The following LAMA1 variants were observed in gnomAD, a reference collection of about 807,000 sequenced individuals.
LAMA1 encodes the protein laminin subunit alpha-1.
LAMA1 carries 219 observed loss-of-function variants against 348.7 expected under a neutral mutation model. The observed-to-expected ratio is 0.63, with a 90% CI of 0.56 to 0.70. The LOEUF is 0.70. Among genes scored for constraint, LAMA1 ranks in the 30% least tolerant of loss-of-function variants. The pLI is 0.00. For missense variants in LAMA1, 3,744 were observed against 3,888.0 expected (o/e 0.96, Z 0.99); for synonymous variants, 1,487 against 1,491.0 (o/e 1.00, Z 0.06).
Position 6,966,254 on chromosome 18 carries a change from A to T in LAMA1, c.6943T>A (p.Tyr2315Asn). The T allele has an allele frequency of 6.2e-7, 1 of 1,613,978 alleles. No individual in the cohort carries two copies. Among genetic ancestry groups the T allele is most frequent in the South Asian group, 1.1e-5 (1 of 90,982 alleles). Residue 2315 changes from tyrosine to asparagine, a missense_variant, in exon 49 of 63, where the codon TAC becomes AAC. Transcript: ENST00000389658. ...GGAAGTGACTTCTCCACGACAGAGT[A>T]CCCACTCCCGTCAAAATGGAAGGAA... ...DPSFHFDGSG[Y>N]SVVEKSLPAT...
intron 1 of LAMA1, among the ~76,000 whole-genome samples, chr18:7,101,575 A>G (rs539066674): frequency 1.6e-4 from 25 of 152,332 alleles, no homozygotes; most frequent in African/African-American, 6.0e-4. Context: ...GTGATTATCT[A>G]TGTGGTCAGA....
In LAMA1 at chr18:7,024,486, G is replaced by T; in HGVS notation, c.2403-20C>A. Reference sequence around the variant, plus strand: ...CTGAAACTGTCAAAACATTAGAAATGAACAAAATTTTCCAATGGATGAAGC... The same window carrying T: ...CTGAAACTGTCAAAACATTAGAAATTAACAAAATTTTCCAATGGATGAAGC... On this transcript the variant is annotated intron_variant, in intron 17 of 62. Transcript: ENST00000389658. 6.2e-7 allele frequency: 1 copy of T among 1,601,398 alleles called. No homozygotes were observed. The highest frequency in any genetic ancestry group is 1.1e-5 in the South Asian group (1 of 90,356).
chr18:6,961,328 T>G (rs2057606033), intron 53 of LAMA1, among the ~76,000 whole-genome samples: 1 of 152,178 alleles, frequency 6.6e-6, no homozygotes, highest in Non-Finnish European at 1.5e-5. Flanking sequence ...TGAATGAGTT[T>G]TTAAAAAATT....
intron 1 of LAMA1, among the ~76,000 whole-genome samples, chr18:7,111,302 C>T (rs372123259): frequency 6.4e-4 from 97 of 152,298 alleles, no homozygotes; most frequent in African/African-American, 2.2e-3. Context: ...ATTAACACTT[C>T]GAGATAAATG....
intron 37 of LAMA1, 130 bp downstream of exon 37, chr18:6,986,007 C>T (rs1207420631): frequency 2.1e-6 from 2 of 959,830 alleles, no homozygotes; most frequent in African/African-American, 3.2e-5. Flanking sequence ...ATCTGCCTGC[C>T]TCGGCCTCCC....
chr18:6,970,110 A>G (rs2057651515), intron 48 of LAMA1, among the ~76,000 whole-genome samples: 1 of 152,164 alleles, frequency 6.6e-6, no homozygotes, highest in African/African-American at 2.4e-5. Context: ...TTGCTGGAAG[A>G]GTTCCTTGCT....
At chr18:6,988,657 A>G (rs2057745658) in intron 36 of LAMA1, among the ~76,000 whole-genome samples, 1 of 151,998 alleles carries the variant, frequency 6.6e-6, no homozygotes, top group African/African-American at 2.4e-5. Context: ...AATTACAAAA[A>G]TTAGCCGGGC....
At chr18:7,103,155 C>T (rs2058297960) in intron 1 of LAMA1, among the ~76,000 whole-genome samples, 2 of 152,180 alleles carry the variant, frequency 1.3e-5, no homozygotes, top group South Asian at 2.1e-4. Context: ...CGGTGGCTCA[C>T]GCCTGTAATC....
chr18:7,040,312 G>A (rs375494782), intron 9 of LAMA1, 76 bp from the exon 10 acceptor site: 10 of 1,472,118 alleles, frequency 6.8e-6, no homozygotes, highest in African/African-American at 5.5e-5. Flanking sequence ...AATGTTTTCT[G>A]TAAAGGGTCA....
intron 8 of LAMA1, 130 bp downstream of exon 8, chr18:7,043,097 A>G (rs979509850): frequency 4.7e-6 from 4 of 844,448 alleles, no homozygotes; most frequent in Admixed American, 2.0e-5. Flanking sequence ...ATATAAAAAC[A>G]CTACTGGCAT....
chr18:7,093,843 C>T (rs1568065240), intron 1 of LAMA1, among the ~76,000 whole-genome samples: 1 of 147,282 alleles, frequency 6.8e-6, no homozygotes, highest in East Asian at 2.0e-4. Context: ...GTCACGATAT[C>T]GGCTCCCCGC....
chr18:7,000,243 A>G (rs2057801663), intron 30 of LAMA1, among the ~76,000 whole-genome samples: 1 of 152,264 alleles, frequency 6.6e-6, no homozygotes, highest in South Asian at 2.1e-4. Context: ...TGTGAATGTT[A>G]AGTGGAAGAA....
chr18:6,975,754 C>T (rs967994214), intron 45 of LAMA1, among the ~76,000 whole-genome samples, 183 bp downstream of exon 45: 11 of 152,208 alleles, frequency 7.2e-5, no homozygotes, highest in African/African-American at 2.7e-4. Flanking sequence ...TTCTCACAGG[C>T]ATTCCATTTG....
At position 7,032,977 on chromosome 18, in the gene LAMA1, G is replaced by A. The variant is rs1253367522; in HGVS notation, c.2163+7C>T. The A allele has an allele frequency of 1.3e-6, 2 of 1,592,086 alleles. No individual in the cohort carries two copies. The highest frequency in any genetic ancestry group is 2.7e-5 in the African/African-American group (2 of 74,120). On this transcript the variant is annotated splice_region_variant and intron_variant, in intron 15 of 62. Transcript: ENST00000389658. ...AAAGGAAAAAGACAGGAAGAGAGAA[G>A]CGTCACCTCACAGGAGGTCCCTGTG...
rs771149740 is a variant in LAMA1, at chr18:7,046,296, T to C, written c.840A>G (p.Pro280=). Residue 280 remains proline (P), a synonymous_variant, in exon 6 of 63, where the codon CCA becomes CCG. Coordinates refer to ENST00000389658, the MANE Select transcript of LAMA1 (RefSeq NM_005559.4). ...AACTCACCTTTGTAGTTTCATCCCA[T>C]GGGCAGCTACTAGCATGGCCATAGC... ...CICYGHASSC[P]WDETTKKLQC... The C allele has an allele frequency of 8.4e-5, 135 of 1,610,436 alleles. No individual in the cohort carries two copies. Among genetic ancestry groups the C allele is most frequent in the Middle Eastern group, 3.3e-4 (2 of 6,064 alleles).
chr18:7,034,842 G>A, intron 13 of LAMA1, 152 bp from the exon 14 acceptor site: 1 of 649,998 alleles, frequency 1.5e-6, no homozygotes, highest in East Asian at 2.7e-5. Context: ...TCTTGGCCCA[G>A]AATTATCAGA....
intron 53 of LAMA1, 99 bp from the exon 54 acceptor site, chr18:6,959,591 A>G: frequency 8.1e-7 from 1 of 1,232,484 alleles, no homozygotes. Context: ...ATTAACATCA[A>G]GTGAGTAGAG....
chr18:6,986,189 T>C lies in LAMA1; in HGVS notation c.5327A>G (p.Gln1776Arg), dbSNP rs999170335. The change falls in exon 37 of 63, where the codon CAG becomes CGG. Residue 1776 changes from glutamine to arginine, a missense_variant. By Grantham distance (43) the Gln-to-Arg change is conservative. Transcript: ENST00000389658. ...ALVREAEAKM[Q>R]ESNHLLLMVN... ...CATGAGCAGCAGGTGGTTGCTTTCC[T>C]GCATCTTTGCCTCAGCTTCCCTCAC... 2.5e-6 allele frequency: 4 copies of C among 1,614,108 alleles called. No homozygotes were observed. The highest frequency in any genetic ancestry group is 3.4e-6 in the Non-Finnish European group (4 of 1,180,050).
chr18:7,010,179 A>G, intron 26 of LAMA1, 21 bp downstream of exon 26: 8 of 1,612,856 alleles, frequency 5.0e-6, no homozygotes, highest in South Asian at 1.1e-5. Context: ...AGGAACTTCT[A>G]TGAAAAGATC....
Sources: allele counts gnomAD v4.1 joint callset (sites outside exome capture counted in the v4.1 genomes callset), GRCh38; gene constraint gnomAD v4.1.1; transcripts MANE v1.5; gene names NCBI Gene and HGNC (gene_info 2026-07-23, HGNC 2026-07-21).